CFAP96: variants seen among roughly 807,000 people sequenced by gnomAD.
The protein encoded by CFAP96 is cilia and flagella associated protein 96.
the CFAP96 span, among the ~76,000 whole-genome samples, chr4:185,447,676 G>A: frequency 6.6e-6 from 1 of 152,128 alleles, no homozygotes; most frequent in Admixed American, 6.6e-5. Flanking sequence ...AGGAGTATTA[G>A]AACCAGTGTC....
chr4:185,415,813 C>A, the CFAP96 span: 1 of 1,613,714 alleles, frequency 6.2e-7, no homozygotes, highest in Non-Finnish European at 8.5e-7. Context: ...ATGGGCGTTA[C>A]AGCTGCCAGG....
chr4:185,424,600 T>G, the CFAP96 span, among the ~76,000 whole-genome samples: 1 of 152,210 alleles, frequency 6.6e-6, no homozygotes, highest in African/African-American at 2.4e-5. Context: ...TCTACCGTTG[T>G]TCATCACAGA....
chr4:185,439,836 C>A, the CFAP96 span, among the ~76,000 whole-genome samples: 1 of 144,990 alleles, frequency 6.9e-6, no homozygotes, highest in Non-Finnish European at 1.5e-5. Flanking sequence ...TATACATAAT[C>A]TCATATATAC....
chr4:185,427,755 A>G, the CFAP96 span, among the ~76,000 whole-genome samples: 21 of 147,718 alleles, frequency 1.4e-4, 1 homozygote, highest in African/African-American at 5.2e-4. Context: ...GCGAGACTCC[A>G]TCTTAATAAG....
the CFAP96 span, chr4:185,436,267 T>G: frequency 6.5e-7 from 1 of 1,549,188 alleles, no homozygotes; most frequent in Non-Finnish European, 8.7e-7. Context: ...TCACCATTAC[T>G]TACTTTGCTT....
At chr4:185,422,496 G>T in the CFAP96 span, 11 of 1,610,998 alleles carry the variant, frequency 6.8e-6, no homozygotes, top group Admixed American at 1.4e-4. Flanking sequence ...ATTAGGAGTA[G>T]CTAGCTGAAA....
chr4:185,435,083 T>G, the CFAP96 span, among the ~76,000 whole-genome samples: 5 of 152,232 alleles, frequency 3.3e-5, no homozygotes, highest in Admixed American at 2.6e-4. Context: ...AGAATGACTT[T>G]TAGTGCTTGC....
the CFAP96 span, among the ~76,000 whole-genome samples, chr4:185,418,069 A>T: frequency 0.021 from 485 of 22,784 alleles, 6 homozygotes; most frequent in African/African-American, 0.082. Context: ...CACACACACA[A>T]ACAACAGAAC....
At chr4:185,438,592 C>T in the CFAP96 span, among the ~76,000 whole-genome samples, 1 of 152,122 alleles carries the variant, frequency 6.6e-6, no homozygotes, top group Admixed American at 6.6e-5. Flanking sequence ...TATTTTGCTA[C>T]TTTGAGTTAC....
the CFAP96 span, chr4:185,425,958 G>C: frequency 6.7e-7 from 1 of 1,489,950 alleles, no homozygotes; most frequent in Non-Finnish European, 9.2e-7. Context: ...CGGCCCAGGG[G>C]CGGGGCCCGG....
the CFAP96 span, chr4:185,445,468 C>T: frequency 8.0e-6 from 12 of 1,493,628 alleles, no homozygotes; most frequent in Non-Finnish European, 1.1e-5. Flanking sequence ...TTGGCTATTT[C>T]TCGAAGGGAG....
the CFAP96 span, chr4:185,432,050 C>A: frequency 4.5e-6 from 7 of 1,551,618 alleles, no homozygotes; most frequent in Non-Finnish European, 6.1e-6. Flanking sequence ...AATGTCAGAT[C>A]TTCAGGCAGG....
At chr4:185,436,037 G>C in the CFAP96 span, 7 of 1,507,408 alleles carry the variant, frequency 4.6e-6, no homozygotes, top group South Asian at 1.3e-5. Flanking sequence ...TCAAAAAATT[G>C]TATTTAAGAT....
At chr4:185,430,425 A>G in the CFAP96 span, among the ~76,000 whole-genome samples, 2 of 152,208 alleles carry the variant, frequency 1.3e-5, no homozygotes, top group Admixed American at 6.5e-5. Flanking sequence ...GACAGCATTT[A>G]AAAAAATGAA....
At chr4:185,432,617 C>G in the CFAP96 span, among the ~76,000 whole-genome samples, 1 of 152,032 alleles carries the variant, frequency 6.6e-6, no homozygotes, top group East Asian at 1.9e-4. Flanking sequence ...AATCCCAGCA[C>G]TTTTGGAGGC....
At chr4:185,434,958 C>G in the CFAP96 span, among the ~76,000 whole-genome samples, 1 of 152,064 alleles carries the variant, frequency 6.6e-6, no homozygotes, top group Non-Finnish European at 1.5e-5. Flanking sequence ...CCAGGCTGGT[C>G]TCAAACTCCT....
chr4:185,428,909 C>T, the CFAP96 span, among the ~76,000 whole-genome samples: 96,369 of 151,990 alleles, frequency 0.63, 32,989 homozygotes, highest in East Asian at 0.83. Context: ...ATATTTTCAA[C>T]ATAAGGGACA....
the CFAP96 span, among the ~76,000 whole-genome samples, chr4:185,443,523 A>G: frequency 1.3e-5 from 2 of 149,448 alleles, no homozygotes; most frequent in African/African-American, 4.9e-5. Flanking sequence ...TAATTTTTGT[A>G]TTTTTAGTAG....
the CFAP96 span, chr4:185,425,891 G>C: frequency 7.3e-5 from 117 of 1,596,186 alleles, no homozygotes; most frequent in Admixed American, 1.9e-4. Context: ...GCGGTGACAC[G>C]GGCGCTGACG....
Sources: allele counts gnomAD v4.1 joint callset (sites outside exome capture counted in the v4.1 genomes callset), GRCh38; gene constraint gnomAD v4.1.1; transcripts MANE v1.5; gene names NCBI Gene and HGNC (gene_info 2026-07-23, HGNC 2026-07-21).